HHAT: variants seen among roughly 807,000 people sequenced by gnomAD.
HHAT encodes hedgehog acyltransferase.
In HHAT, 47 loss-of-function variants were observed where a neutral mutation model predicts 70.8. The observed-to-expected ratio is 0.66, with a 90% CI of 0.53 to 0.85. The LOEUF is 0.85. HHAT is among the 40% of genes least tolerant of loss of function. The pLI, the probability that HHAT is intolerant of heterozygous loss-of-function variation, is 0.00. For missense variants in HHAT, 609 were observed against 604.8 expected (o/e 1.01, Z -0.07); for synonymous variants, 228 against 247.6 (o/e 0.92, Z 0.74).
intron 9 of HHAT, among the ~76,000 whole-genome samples, chr1:210,555,230 G>A (rs1054257612): frequency 6.6e-6 from 1 of 152,160 alleles, no homozygotes; most frequent in African/African-American, 2.4e-5. Context: ...CTTGCCATAA[G>A]CACTCACTTG....
intron 9 of HHAT, among the ~76,000 whole-genome samples, chr1:210,518,141 A>AC (rs1340222807): frequency 6.6e-6 from 1 of 152,148 alleles, no homozygotes; most frequent in Non-Finnish European, 1.5e-5. Flanking sequence ...ACAATACCTT[A>AC]CTGTTAACCA....
intron 2 of HHAT, among the ~76,000 whole-genome samples, chr1:210,350,234 A>C (rs1290889397): frequency 6.6e-6 from 1 of 152,246 alleles, no homozygotes; most frequent in Non-Finnish European, 1.5e-5. Context: ...CTTTATTCAT[A>C]ATTGCTAAAA....
intron 10 of HHAT, among the ~76,000 whole-genome samples, chr1:210,591,546 CTTTT>C (rs930583868): frequency 1.4e-4 from 22 of 152,198 alleles, no homozygotes; most frequent in Non-Finnish European, 2.6e-4. Context: ...GATTTCCTTT[CTTTT>C]GAGTATATCC....
intron 11 of HHAT, among the ~76,000 whole-genome samples, chr1:210,644,890 G>A (rs988574661): frequency 3.3e-5 from 5 of 152,106 alleles, no homozygotes; most frequent in Non-Finnish European, 7.4e-5. Context: ...GGGTCTGCCT[G>A]ACAGCCTTTG....
intron 8 of HHAT, among the ~76,000 whole-genome samples, chr1:210,469,753 CT>C (rs1558580416): frequency 6.6e-5 from 10 of 152,112 alleles, no homozygotes; most frequent in African/African-American, 9.7e-5. Flanking sequence ...ATAGTGGCCT[CT>C]ACCTCCTGGG....
intron 9 of HHAT, among the ~76,000 whole-genome samples, chr1:210,541,531 A>G (rs59525134): frequency 0.19 from 28,618 of 152,188 alleles, 3,290 homozygotes; most frequent in Middle Eastern, 0.29. Context: ...GTTTGAGACT[A>G]GCCTGGCCAA....
chr1:210,438,904 A>AG (rs2093440684), intron 7 of HHAT, among the ~76,000 whole-genome samples: 1 of 151,880 alleles, frequency 6.6e-6, no homozygotes, highest in Non-Finnish European at 1.5e-5. Flanking sequence ...GAGGAAATGG[A>AG]GACACAGAGA....
chr1:210,568,332 C>G (rs1035181416), intron 9 of HHAT, among the ~76,000 whole-genome samples: 1 of 152,222 alleles, frequency 6.6e-6, no homozygotes, highest in African/African-American at 2.4e-5. Context: ...TTGTGATAAT[C>G]TTTATAATAA....
chr1:210,509,550 CTG>C (rs1486457794), intron 8 of HHAT, among the ~76,000 whole-genome samples: 1 of 152,212 alleles, frequency 6.6e-6, no homozygotes, highest in East Asian at 1.9e-4. Flanking sequence ...GTTTCTTCCT[CTG>C]TGGTGCAGAT....
intron 8 of HHAT, among the ~76,000 whole-genome samples, chr1:210,502,015 ATTC>A (rs888985899): frequency 5.9e-5 from 6 of 102,108 alleles, no homozygotes; most frequent in South Asian, 7.5e-4. Context: ...GGTCTCCTCT[ATTC>A]TTCTTCTTTT....
intron 9 of HHAT, among the ~76,000 whole-genome samples, chr1:210,560,990 A>G (rs2095618331): frequency 6.6e-6 from 1 of 152,110 alleles, no homozygotes; most frequent in Non-Finnish European, 1.5e-5. Context: ...GCCAGTATCT[A>G]TGAGGTTCTT....
At chr1:210,334,361 G>C (rs1045634987) in intron 1 of HHAT, among the ~76,000 whole-genome samples, 2 of 151,578 alleles carry the variant, frequency 1.3e-5, no homozygotes, top group Non-Finnish European at 2.9e-5. Flanking sequence ...TCGCCATGTC[G>C]CCCAGGCTGG....
At chr1:210,375,497 A>C (rs957981731) in intron 3 of HHAT, among the ~76,000 whole-genome samples, 1 of 151,752 alleles carries the variant, frequency 6.6e-6, no homozygotes, top group Non-Finnish European at 1.5e-5. Context: ...CCACCTCCCC[A>C]TTTCATTATA....
chr1:210,381,878 G>A (rs903917292), intron 3 of HHAT, among the ~76,000 whole-genome samples: 3 of 152,192 alleles, frequency 2.0e-5, no homozygotes, highest in African/African-American at 4.8e-5. Context: ...TTCACTTAGG[G>A]CGTCTCGGTG....
intron 4 of HHAT, among the ~76,000 whole-genome samples, chr1:210,398,369 G>C (rs920275403): frequency 4.6e-5 from 7 of 152,168 alleles, no homozygotes; most frequent in Admixed American, 6.5e-5. Flanking sequence ...AGCGTGTCCT[G>C]TGATGTCTTA....
intron 2 of HHAT, among the ~76,000 whole-genome samples, chr1:210,352,591 C>T (rs1025126334): frequency 2.0e-5 from 3 of 152,108 alleles, no homozygotes; most frequent in Non-Finnish European, 2.9e-5. Flanking sequence ...CGTGGCTACT[C>T]TCCTTGGGCA....
At chr1:210,358,242 C>G (rs374605506) in intron 2 of HHAT, among the ~76,000 whole-genome samples, 10 of 152,354 alleles carry the variant, frequency 6.6e-5, no homozygotes, top group African/African-American at 2.4e-4. Flanking sequence ...CAGGGTGCTT[C>G]TACTTCTCCC....
At chr1:210,618,347 G>A (rs1326997855) in intron 10 of HHAT, among the ~76,000 whole-genome samples, 1 of 151,932 alleles carries the variant, frequency 6.6e-6, no homozygotes, top group Non-Finnish European at 1.5e-5. Flanking sequence ...GCTCTCTCTG[G>A]TGTCCACCAA....
At chr1:210,521,661 G>A (rs2095160213) in intron 9 of HHAT, among the ~76,000 whole-genome samples, 1 of 152,182 alleles carries the variant, frequency 6.6e-6, no homozygotes, top group African/African-American at 2.4e-5. Flanking sequence ...TGTCTGAAAT[G>A]TTCAAAAAAT....
Sources: allele counts gnomAD v4.1 joint callset (sites outside exome capture counted in the v4.1 genomes callset), GRCh38; gene constraint gnomAD v4.1.1; transcripts MANE v1.5; gene names NCBI Gene and HGNC (gene_info 2026-07-23, HGNC 2026-07-21).